DLG2: variants seen among roughly 807,000 people sequenced by gnomAD.
DLG2 encodes the protein discs large MAGUK scaffold protein 2.
Under a neutral mutation model 132.5 loss-of-function variants are expected in DLG2, and 45 were observed. The ratio of observed to expected loss-of-function variants is 0.34; its 90% CI spans 0.27 to 0.44. The LOEUF (loss-of-function observed/expected upper bound fraction) is 0.44. Ranked by LOEUF, DLG2 falls within the 20% of genes least tolerant of loss-of-function variation. The pLI, the probability that DLG2 is intolerant of heterozygous loss-of-function variation, is 1.00. For synonymous variants in DLG2, 424 were observed against 419.6 expected, an observed-to-expected ratio of 1.01 and a Z score of -0.13; for missense variants, 1,045 against 1,196.9, an observed-to-expected ratio of 0.87 and a Z score of 1.87.
intron 19 of DLG2, among the ~76,000 whole-genome samples, chr11:83,576,615 C>T (rs1319116864): frequency 6.6e-6 from 1 of 152,128 alleles, no homozygotes; most frequent in African/African-American, 2.4e-5. Context: ...GGTAAGAAAA[C>T]AGTGAAGGCA....
chr11:85,179,006 A>G (rs2079517702), intron 4 of DLG2, among the ~76,000 whole-genome samples: 1 of 151,950 alleles, frequency 6.6e-6, no homozygotes, highest in Non-Finnish European at 1.5e-5. Flanking sequence ...ACCGATAGAA[A>G]AAGCTTTCTA....
intron 6 of DLG2, among the ~76,000 whole-genome samples, chr11:85,097,142 C>A (rs1365188819): frequency 6.6e-6 from 1 of 152,196 alleles, no homozygotes; most frequent in Non-Finnish European, 1.5e-5. Context: ...TCTCTTCTCT[C>A]ATCTCCCAGG....
At chr11:85,537,896 C>G (rs1432064126) in intron 3 of DLG2, among the ~76,000 whole-genome samples, 1 of 151,842 alleles carries the variant, frequency 6.6e-6, no homozygotes, top group South Asian at 2.1e-4. Flanking sequence ...GTGGGTGGAT[C>G]ATGAGGTCAG....
chr11:85,525,763 G>A (rs1313874948), intron 3 of DLG2, among the ~76,000 whole-genome samples: 1 of 152,210 alleles, frequency 6.6e-6, no homozygotes, highest in African/African-American at 2.4e-5. Flanking sequence ...CCACAGCACA[G>A]AAATAGAGAA....
intron 7 of DLG2, among the ~76,000 whole-genome samples, chr11:84,293,908 G>GA (rs1271236235): frequency 1.3e-5 from 2 of 152,112 alleles, no homozygotes; most frequent in African/African-American, 4.8e-5. Flanking sequence ...ATATTCTACA[G>GA]AAAAAAACAA....
chr11:84,105,170 G>T (rs1361404871), intron 9 of DLG2, among the ~76,000 whole-genome samples: 6 of 152,232 alleles, frequency 3.9e-5, no homozygotes, highest in South Asian at 4.1e-4. Flanking sequence ...TTTTGGAAAA[G>T]ATTTAAACTT....
chr11:84,006,561 ATACT>A (rs1469921781), intron 11 of DLG2, among the ~76,000 whole-genome samples: 1 of 151,570 alleles, frequency 6.6e-6, no homozygotes, highest in East Asian at 1.9e-4. Flanking sequence ...TTTACGATAA[ATACT>A]TAAAGTGGTG....
At chr11:84,490,567 A>G (rs1298659370) in intron 7 of DLG2, among the ~76,000 whole-genome samples, 2 of 149,890 alleles carry the variant, frequency 1.3e-5, no homozygotes, top group Non-Finnish European at 3.0e-5. Flanking sequence ...CCCTGGAAAT[A>G]GGCTATTGAT....
chr11:84,510,231 A>T (rs944350138), intron 7 of DLG2, among the ~76,000 whole-genome samples: 1 of 151,868 alleles, frequency 6.6e-6, no homozygotes, highest in East Asian at 1.9e-4. Context: ...TGGAAAGGAA[A>T]ATATAACATT....
intron 17 of DLG2, chr11:83,791,220 T>A (rs2041470752): frequency 9.3e-6 from 6 of 644,486 alleles, no homozygotes; most frequent in Admixed American, 5.1e-5. Context: ...GCCTCTGAGC[T>A]CTCACGGCTT....
intron 21 of DLG2, among the ~76,000 whole-genome samples, chr11:83,499,566 A>G (rs2094332945): frequency 2.6e-5 from 4 of 151,544 alleles, no homozygotes; most frequent in Admixed American, 6.6e-5. Flanking sequence ...AACTGGTCCC[A>G]AGAATGTATC....
intron 6 of DLG2, among the ~76,000 whole-genome samples, chr11:84,912,930 G>A (rs2092207819): frequency 1.3e-5 from 2 of 152,184 alleles, no homozygotes; most frequent in South Asian, 4.1e-4. Flanking sequence ...TGCCAATATG[G>A]GGAGGACAAA....
chr11:83,704,982 C>T (rs181713407), intron 18 of DLG2, among the ~76,000 whole-genome samples: 5 of 152,156 alleles, frequency 3.3e-5, no homozygotes, highest in East Asian at 1.9e-4. Context: ...TAATGCAATA[C>T]ACCCATGTAA....
At chr11:85,268,328 C>T (rs774807609) in intron 4 of DLG2, among the ~76,000 whole-genome samples, 10 of 152,184 alleles carry the variant, frequency 6.6e-5, no homozygotes, top group Admixed American at 2.0e-4. Flanking sequence ...CCATTAGTCT[C>T]TCACATATCT....
intron 6 of DLG2, among the ~76,000 whole-genome samples, chr11:85,002,627 T>A (rs184473735): frequency 6.6e-6 from 1 of 152,272 alleles, no homozygotes; most frequent in East Asian, 1.9e-4. Flanking sequence ...AGTGTCCACA[T>A]TGGTATTTGT....
intron 6 of DLG2, among the ~76,000 whole-genome samples, chr11:84,697,722 T>G (rs1242952307): frequency 6.6e-6 from 1 of 151,488 alleles, no homozygotes; most frequent in African/African-American, 2.4e-5. Context: ...AAATCATTTC[T>G]GAAGAAGAGT....
chr11:84,465,609 A>G (rs1602612838), intron 7 of DLG2, among the ~76,000 whole-genome samples: 1 of 151,290 alleles, frequency 6.6e-6, no homozygotes, highest in African/African-American at 2.4e-5. Flanking sequence ...GGGTTATTCA[A>G]GAATTTTTGG....
At chr11:83,613,255 T>C (rs1273533330) in intron 19 of DLG2, among the ~76,000 whole-genome samples, 2 of 152,098 alleles carry the variant, frequency 1.3e-5, no homozygotes, top group Non-Finnish European at 2.9e-5. Flanking sequence ...GAAATGAGGA[T>C]TGGGTAAACC....
intron 6 of DLG2, among the ~76,000 whole-genome samples, chr11:85,099,249 T>C (rs1403512951): frequency 1.3e-5 from 2 of 152,202 alleles, no homozygotes; most frequent in African/African-American, 4.8e-5. Context: ...CATGGCCTTG[T>C]GGAACAGCTT....
Sources: gnomAD v4.1 joint callset for allele counts (sites outside exome capture counted in the v4.1 genomes callset) on GRCh38, gnomAD v4.1.1 for gene constraint, MANE v1.5 for transcripts, NCBI Gene and HGNC (gene_info 2026-07-23, HGNC 2026-07-21) for gene names.